The following TEX11 variants were observed in gnomAD, a reference collection of about 807,000 sequenced individuals.
TEX11 encodes the protein testis-expressed protein 11.
Under a neutral mutation model 84.4 loss-of-function variants are expected in TEX11, and 7 were observed. That is an observed-to-expected ratio of 0.08 (90% CI 0.05 to 0.16). TEX11 has a LOEUF of 0.16. TEX11 is among the 10% of genes least tolerant of loss of function. TEX11 has a pLI of 1.00. For missense variants in TEX11, 551 were observed against 660.5 expected, an observed-to-expected ratio of 0.83 and a Z score of 1.82; for synonymous variants, 264 against 222.8, an observed-to-expected ratio of 1.18 and a Z score of -1.64.
At chrX:70,704,936 A>G (rs1448965063) in intron 13 of TEX11, among the ~76,000 whole-genome samples, 1 of 111,792 alleles carries the variant, frequency 8.9e-6, no homozygotes, top group African/African-American at 3.2e-5. Flanking sequence ...TAGGTCTAAC[A>G]TTTAAGTCTT....
chrX:70,899,812 C>T (rs1161125483), intron 2 of TEX11, among the ~76,000 whole-genome samples: 1 of 91,164 alleles, frequency 1.1e-5, no homozygotes, highest in Non-Finnish European at 2.1e-5. Context: ...TGCCACTGCA[C>T]TCCAGCCTGG....
At chrX:70,595,379 C>A (rs1029417367) in intron 24 of TEX11, among the ~76,000 whole-genome samples, 1 of 111,478 alleles carries the variant, frequency 9.0e-6, no homozygotes, top group Admixed American at 9.6e-5. Context: ...GCTACCACAC[C>A]CGGCTTCTTC....
Position 70,610,637 on chromosome X carries a change from C to A in TEX11, c.1752-94G>T, listed in dbSNP as rs751907955. ...ACACTATTTGTGCCTGAGAATTGAA[C>A]TAAGAAAATGCAAAATTGTGAAGTT... On this transcript the variant is annotated intron_variant, in intron 20 of 29. Coordinates refer to ENST00000374333, the MANE Select transcript of TEX11 (RefSeq NM_031276.3). The A allele has an allele frequency of 2.3e-4, 215 of 917,885 alleles. 2 individuals carry two copies. The African/African-American group carries it at 3.9e-3, about 17-fold the overall frequency. The allele number at this position is 917,885 out of a possible 1,213,427, so 75.6% of individuals were successfully genotyped here. A position where few individuals can be genotyped will look rare whatever the true frequency, so the allele number is the denominator to read the frequency against.
chrX:70,815,182 T>C (rs1218434146), intron 8 of TEX11, among the ~76,000 whole-genome samples: 1 of 112,209 alleles, frequency 8.9e-6, no homozygotes, highest in African/African-American at 3.2e-5. Flanking sequence ...TTGTCTTGAG[T>C]AATTAATTAC....
chrX:70,854,793 C>A (rs1378961754), intron 5 of TEX11, among the ~76,000 whole-genome samples: 5 of 108,802 alleles, frequency 4.6e-5, no homozygotes, highest in Non-Finnish European at 9.5e-5. Flanking sequence ...TGCCTGTAAT[C>A]CCAGCATTTT....
chrX:70,690,622 CTT>C (rs2090226346), intron 13 of TEX11, among the ~76,000 whole-genome samples: 1 of 111,335 alleles, frequency 9.0e-6, no homozygotes, highest in African/African-American at 3.3e-5. Flanking sequence ...AGGAAGATCA[CTT>C]GAGTCCAGGA....
intron 7 of TEX11, among the ~76,000 whole-genome samples, chrX:70,840,540 C>T (rs1481228370): frequency 2.7e-5 from 3 of 111,819 alleles, no homozygotes; most frequent in Non-Finnish European, 3.8e-5. Context: ...AAATTGTAAA[C>T]GCCATCAAGG....
At chrX:70,536,170 A>C (rs2087955241) in intron 28 of TEX11, among the ~76,000 whole-genome samples, 1 of 111,275 alleles carries the variant, frequency 9.0e-6, no homozygotes, top group Admixed American at 9.7e-5. Flanking sequence ...AGTACTTACT[A>C]TGTGCTGCTA....
chrX:70,771,582 A>G (rs1193274664), intron 9 of TEX11, among the ~76,000 whole-genome samples: 1 of 112,280 alleles, frequency 8.9e-6, no homozygotes, highest in African/African-American at 3.2e-5. Flanking sequence ...ATCCATTTCA[A>G]TGATTCTGTT....
At chrX:70,741,636 G>A (rs763515493) in intron 10 of TEX11, among the ~76,000 whole-genome samples, 1 of 111,254 alleles carries the variant, frequency 9.0e-6, no homozygotes, top group Non-Finnish European at 1.9e-5. Context: ...TTACTGCATA[G>A]TATTACCTCA....
At chrX:70,656,712 T>C (rs1569383943) in intron 16 of TEX11, among the ~76,000 whole-genome samples, 1 of 111,861 alleles carries the variant, frequency 8.9e-6, no homozygotes, top group East Asian at 2.8e-4. Context: ...TAATGGACTA[T>C]ATAGAAAAGG....
intron 4 of TEX11, among the ~76,000 whole-genome samples, chrX:70,868,637 T>A (rs1480355831): frequency 2.7e-5 from 3 of 111,570 alleles, no homozygotes; most frequent in African/African-American, 9.8e-5. Flanking sequence ...CAAATGCTCA[T>A]CAATGATAGA....
chrX:70,565,279 G>T (rs2088448134), intron 25 of TEX11, among the ~76,000 whole-genome samples: 1 of 108,664 alleles, frequency 9.2e-6, no homozygotes, highest in African/African-American at 3.4e-5. Context: ...ATTTGTTTGA[G>T]TTCTTTGTAG....
intron 9 of TEX11, among the ~76,000 whole-genome samples, chrX:70,773,901 T>TGA (rs906041962): frequency 1.8e-5 from 2 of 111,286 alleles, no homozygotes; most frequent in African/African-American, 6.5e-5. Flanking sequence ...GGCTGCGAGC[T>TGA]GAGAGAGAGA....
At chrX:70,786,407 C>A (rs1168277041) in intron 9 of TEX11, among the ~76,000 whole-genome samples, 1 of 111,390 alleles carries the variant, frequency 9.0e-6, no homozygotes, top group Admixed American at 9.6e-5. Flanking sequence ...CAACATGGCA[C>A]ATGTATACCT....
At chrX:70,745,253 T>G (rs1464832483) in intron 9 of TEX11, among the ~76,000 whole-genome samples, 2 of 110,243 alleles carry the variant, frequency 1.8e-5, no homozygotes, top group Non-Finnish European at 3.8e-5. Context: ...CAAACCATAT[T>G]ATCTATGGGA....
At chrX:70,718,437 A>G (rs1267460196) in intron 13 of TEX11, among the ~76,000 whole-genome samples, 1 of 111,859 alleles carries the variant, frequency 8.9e-6, no homozygotes, top group Non-Finnish European at 1.9e-5. Context: ...GCATTTCCCC[A>G]AAAAATGACT....
At chrX:70,694,687 T>C (rs1286877460) in intron 13 of TEX11, among the ~76,000 whole-genome samples, 1 of 112,153 alleles carries the variant, frequency 8.9e-6, no homozygotes, top group Non-Finnish European at 1.9e-5. Flanking sequence ...TAGTCTATTT[T>C]GTGTTGCTGT....
rs775390243 is a variant in TEX11, at chrX:70,600,069, G to C, written c.2067+5332C>G. Among the ~76,000 whole-genome samples the C allele has an allele frequency of 1.8e-4, 20 of 111,151 alleles. No individual in the cohort carries two copies. The East Asian group carries it at 5.4e-3, about 30-fold the overall frequency. Reference sequence around the variant, plus strand: ...ATTGCTGGGTCAAATGGTATTTCTAGTTCTAGATCCCTGAGGAATTGCCAC... The same window carrying C: ...ATTGCTGGGTCAAATGGTATTTCTACTTCTAGATCCCTGAGGAATTGCCAC... On this transcript the variant is annotated intron_variant, in intron 24 of 29. Coordinates refer to ENST00000374333, the MANE Select transcript of TEX11 (RefSeq NM_031276.3).
Sources: gnomAD v4.1 joint callset for allele counts (sites outside exome capture counted in the v4.1 genomes callset) on GRCh38, gnomAD v4.1.1 for gene constraint, MANE v1.5 for transcripts, NCBI Gene and HGNC (gene_info 2026-07-23, HGNC 2026-07-21) for gene names.